The following SAMD5 variants were observed in gnomAD, a reference collection of about 807,000 sequenced individuals.
The protein encoded by SAMD5 is sterile alpha motif domain containing 5.
SAMD5 carries 13 observed loss-of-function variants against 11.3 expected under a neutral mutation model. That is an observed-to-expected ratio of 1.15 (90% CI 0.75 to 1.83). SAMD5 has a LOEUF of 1.83. Ranked by LOEUF, SAMD5 falls within the 40% of genes most tolerant of loss-of-function variation. SAMD5 has a pLI of 0.00. For missense variants in SAMD5, 255 were observed against 239.1 expected (o/e 1.07, Z -0.44); for synonymous variants, 129 against 111.3 (o/e 1.16, Z -1.00).
At chr6:147,600,478 T>C (rs1206131638) in intron 1 of SAMD5, among the ~76,000 whole-genome samples, 1 of 152,212 alleles carries the variant, frequency 6.6e-6, no homozygotes, top group East Asian at 1.9e-4. Context: ...AGCCTCCCAT[T>C]CTTGGGAGTT....
At position 147,632,618 on chromosome 6, in the gene SAMD5, G is replaced by A. The variant is rs377585136; in HGVS notation, c.163-104699G>A. On this transcript the variant is annotated intron_variant, in intron 1 of 1. Transcript: ENST00000566741. ...GGCTAGGCTAAAACAGTAATCTCAA[G>A]TTTTTTGGATAAAAAGGCCACAGGG... Among the ~76,000 whole-genome samples, 21 of 152,284 alleles carry A rather than the reference G, an allele frequency of 1.4e-4. No individual in the cohort carries two copies. The East Asian group carries it at 1.5e-3, about 11-fold the overall frequency.
chr6:147,877,847 T>TACAC, the SAMD5 span, among the ~76,000 whole-genome samples: 11,054 of 112,980 alleles, frequency 0.098, 690 homozygotes, highest in East Asian at 0.24. Context: ...TTTATATAAA[T>TACAC]ACACACACAC....
chr6:147,807,925 C>T, the SAMD5 span, among the ~76,000 whole-genome samples: 1 of 152,124 alleles, frequency 6.6e-6, no homozygotes, highest in Non-Finnish European at 1.5e-5. Flanking sequence ...AGTATCTAAT[C>T]GTAATACATT....
chr6:147,542,252 G>A (rs1393851510), intron 1 of SAMD5, among the ~76,000 whole-genome samples: 1 of 152,220 alleles, frequency 6.6e-6, no homozygotes, highest in Non-Finnish European at 1.5e-5. Context: ...CGCTTGGGCT[G>A]GCTTCTGGAT....
the SAMD5 span, among the ~76,000 whole-genome samples, chr6:147,754,504 T>C: frequency 6.6e-6 from 1 of 152,250 alleles, no homozygotes; most frequent in East Asian, 1.9e-4. Flanking sequence ...TCTCCCATTC[T>C]GTGGGTTATC....
intron 1 of SAMD5, among the ~76,000 whole-genome samples, chr6:147,619,404 G>A (rs1015174985): frequency 6.6e-6 from 1 of 152,130 alleles, no homozygotes; most frequent in African/African-American, 2.4e-5. Flanking sequence ...AAAACTTCCC[G>A]AGTTTGTATA....
chr6:147,721,864 G>C (rs7754422), intron 1 of SAMD5, among the ~76,000 whole-genome samples: 4,005 of 151,898 alleles, frequency 0.026, 168 homozygotes, highest in African/African-American at 0.091. Flanking sequence ...ATGTTGTTTT[G>C]GGTTATTTCC....
intron 1 of SAMD5, among the ~76,000 whole-genome samples, chr6:147,695,071 T>C (rs1187984181): frequency 2.6e-5 from 4 of 152,228 alleles, no homozygotes; most frequent in Non-Finnish European, 4.4e-5. Context: ...ATCTGTCTTC[T>C]ATCTCAGGTA....
At chr6:147,563,184 A>C (rs1395948517) in intron 1 of SAMD5, among the ~76,000 whole-genome samples, 1 of 152,228 alleles carries the variant, frequency 6.6e-6, no homozygotes, top group Non-Finnish European at 1.5e-5. Context: ...GGTGTCACCC[A>C]AACTAATTAA....
intron 1 of SAMD5, among the ~76,000 whole-genome samples, chr6:147,599,323 T>C (rs926073466): frequency 1.3e-5 from 2 of 152,214 alleles, no homozygotes; most frequent in African/African-American, 2.4e-5. Context: ...GACTGGACAA[T>C]GTTGTGATAA....
the SAMD5 span, among the ~76,000 whole-genome samples, chr6:147,859,710 A>AATC: frequency 3.2e-4 from 49 of 152,210 alleles, 2 homozygotes; most frequent in South Asian, 9.8e-3. Context: ...GTTGCATGTA[A>AATC]CCTAATGAAG....
chr6:147,752,993 G>T, the SAMD5 span, among the ~76,000 whole-genome samples: 1 of 152,126 alleles, frequency 6.6e-6, no homozygotes, highest in Non-Finnish European at 1.5e-5. Flanking sequence ...TTGCCTTATT[G>T]CCCTAGAGCA....
chr6:147,932,438 A>T, the SAMD5 span, among the ~76,000 whole-genome samples: 40 of 152,286 alleles, frequency 2.6e-4, no homozygotes, highest in Admixed American at 2.4e-3. Flanking sequence ...CGTCATCAGC[A>T]GTCATCAAAG....
At chr6:147,947,631 A>C in the SAMD5 span, 1 of 152,170 alleles carries the variant, frequency 6.6e-6, no homozygotes, top group Non-Finnish European at 1.5e-5. Context: ...GAAATGATAT[A>C]CACTGAGAAG....
At chr6:147,783,873 A>G in the SAMD5 span, among the ~76,000 whole-genome samples, 3 of 152,168 alleles carry the variant, frequency 2.0e-5, no homozygotes, top group African/African-American at 7.2e-5. Flanking sequence ...AATGCTATTG[A>G]CAGCATCTTA....
At chr6:147,764,503 C>T in the SAMD5 span, among the ~76,000 whole-genome samples, 12 of 152,254 alleles carry the variant, frequency 7.9e-5, no homozygotes, top group African/African-American at 2.9e-4. Context: ...TAACATTTAA[C>T]CCTCAGTGTA....
At chr6:147,526,342 G>A (rs1185180723) in intron 1 of SAMD5, among the ~76,000 whole-genome samples, 2 of 152,186 alleles carry the variant, frequency 1.3e-5, no homozygotes, top group Non-Finnish European at 2.9e-5. Context: ...GTGATGCGGG[G>A]AATTCAAAGG....
chr6:147,805,121 G>A, the SAMD5 span, among the ~76,000 whole-genome samples: 1 of 152,198 alleles, frequency 6.6e-6, no homozygotes, highest in Non-Finnish European at 1.5e-5. Flanking sequence ...TATTGCAAAG[G>A]AGAATCAGTT....
downstream of SAMD5, among the ~76,000 whole-genome samples, chr6:147,737,832 T>C (rs1791827071): frequency 6.6e-6 from 1 of 151,896 alleles, no homozygotes; most frequent in South Asian, 2.1e-4. Flanking sequence ...TATATAAATG[T>C]ATATACTTAT....
Sources: allele counts gnomAD v4.1 joint callset (sites outside exome capture counted in the v4.1 genomes callset), GRCh38; gene constraint gnomAD v4.1.1; transcripts MANE v1.5; gene names NCBI Gene and HGNC (gene_info 2026-07-23, HGNC 2026-07-21).